Variants in DSCAML1 observed in about 807,000 individuals in gnomAD.
The protein encoded by DSCAML1 is DS cell adhesion molecule like 1, also known as cell adhesion molecule DSCAML1.
Under a neutral mutation model 200.5 loss-of-function variants are expected in DSCAML1, and 38 were observed. That is an observed-to-expected ratio of 0.19 (90% CI 0.15 to 0.25). The LOEUF (loss-of-function observed/expected upper bound fraction) is 0.25, where lower values mean the gene tolerates loss of function less well. DSCAML1 is among the 10% of genes least tolerant of loss of function. The probability of loss-of-function intolerance (pLI) is 1.00; values close to 1 mark genes in which losing one functional copy is unlikely to be tolerated. For synonymous variants in DSCAML1, 1,215 were observed against 1,165.0 expected, an observed-to-expected ratio of 1.04 and a Z score of -0.87; for missense variants, 2,223 against 2,858.8, an observed-to-expected ratio of 0.78 and a Z score of 5.07.
intron 3 of DSCAML1, among the ~76,000 whole-genome samples, chr11:117,746,559 C>T (rs1374986191): frequency 6.6e-6 from 1 of 152,168 alleles, no homozygotes; most frequent in South Asian, 2.1e-4. Context: ...CCAAGCCTCC[C>T]TCCGCGCTGC....
intron 7 of DSCAML1, among the ~76,000 whole-genome samples, chr11:117,517,098 G>T (rs1363972599): frequency 6.6e-5 from 10 of 152,126 alleles, no homozygotes; most frequent in Admixed American, 6.5e-4. Context: ...CCTCATTTAT[G>T]GGGAGATTAA....
intron 3 of DSCAML1, among the ~76,000 whole-genome samples, chr11:117,762,141 T>C (rs1260044752): frequency 1.3e-5 from 2 of 152,166 alleles, no homozygotes; most frequent in African/African-American, 4.8e-5. Flanking sequence ...CATCTGAACA[T>C]AGTGATGACA....
At chr11:117,783,326 A>T (rs1044862051) in intron 1 of DSCAML1, among the ~76,000 whole-genome samples, 1 of 152,206 alleles carries the variant, frequency 6.6e-6, no homozygotes, top group African/African-American at 2.4e-5. Context: ...TTGTGCCTGT[A>T]AATGGACTTA....
intron 3 of DSCAML1, among the ~76,000 whole-genome samples, chr11:117,564,237 C>G (rs2050714473): frequency 6.6e-6 from 1 of 152,230 alleles, no homozygotes; most frequent in African/African-American, 2.4e-5. Flanking sequence ...CAACTTAAAC[C>G]TCTGCTGGTC....
At chr11:117,539,149 C>G (rs970685660) in intron 3 of DSCAML1, among the ~76,000 whole-genome samples, 1 of 152,200 alleles carries the variant, frequency 6.6e-6, no homozygotes, top group Non-Finnish European at 1.5e-5. Context: ...CCATTTCACT[C>G]ACGAGGAAAC....
At chr11:117,696,704 G>A (rs943935289) in intron 3 of DSCAML1, among the ~76,000 whole-genome samples, 6 of 152,124 alleles carry the variant, frequency 3.9e-5, no homozygotes, top group African/African-American at 1.4e-4. Flanking sequence ...TGATACAGTG[G>A]AGAGTTTCCC....
At chr11:117,679,170 C>T (rs915842454) in intron 3 of DSCAML1, among the ~76,000 whole-genome samples, 16 of 152,202 alleles carry the variant, frequency 1.1e-4, no homozygotes, top group African/African-American at 3.6e-4. Context: ...GTGTTAGGCA[C>T]GGAGCAGAGG....
intron 3 of DSCAML1, among the ~76,000 whole-genome samples, chr11:117,675,234 A>AAC (rs1000535856): frequency 3.9e-5 from 6 of 152,036 alleles, no homozygotes; most frequent in African/African-American, 9.7e-5. Context: ...TGTTGTTTTA[A>AAC]ACACACACAC....
intron 6 of DSCAML1, among the ~76,000 whole-genome samples, chr11:117,520,165 C>T (rs1194465241): frequency 6.6e-6 from 1 of 152,210 alleles, no homozygotes; most frequent in African/African-American, 2.4e-5. Context: ...TCTGTGTGGG[C>T]ACAGCCCAGT....
At chr11:117,450,224 C>G (rs541187835) in intron 20 of DSCAML1, among the ~76,000 whole-genome samples, 1 of 152,350 alleles carries the variant, frequency 6.6e-6, no homozygotes, top group African/African-American at 2.4e-5. Context: ...GCCTGGGGAC[C>G]TGCTGGGAGC....
At chr11:117,752,023 T>G (rs984070038) in intron 3 of DSCAML1, among the ~76,000 whole-genome samples, 9 of 148,930 alleles carry the variant, frequency 6.0e-5, no homozygotes, top group Non-Finnish European at 1.2e-4. Flanking sequence ...CACCACCAAT[T>G]CACAAACCTC....
chr11:117,535,987 A>C (rs996545974), intron 3 of DSCAML1, among the ~76,000 whole-genome samples: 8 of 151,866 alleles, frequency 5.3e-5, no homozygotes, highest in Non-Finnish European at 1.2e-4. Flanking sequence ...CTGATGTTTC[A>C]CATCCTTCAT....
At chr11:117,732,539 C>T (rs1296865192) in intron 3 of DSCAML1, among the ~76,000 whole-genome samples, 2 of 152,168 alleles carry the variant, frequency 1.3e-5, no homozygotes, top group Non-Finnish European at 2.9e-5. Context: ...TGGATGAAGG[C>T]TGGAATTGTA....
intron 3 of DSCAML1, among the ~76,000 whole-genome samples, chr11:117,602,566 G>T (rs2051485091): frequency 6.6e-6 from 1 of 152,050 alleles, no homozygotes; most frequent in South Asian, 2.1e-4. Flanking sequence ...TCACCATGTT[G>T]CCCAGGCTGG....
Position 117,480,537 on chromosome 11 carries a change from C to T in DSCAML1, c.2691G>A (p.Glu897=). 1.3e-6 allele frequency: 2 copies of T among 1,579,878 alleles called. No homozygotes were observed. Among genetic ancestry groups the T allele is most frequent in the Non-Finnish European group, 8.6e-7 (1 of 1,162,170 alleles). The change falls in exon 14 of 33, where the codon GAG becomes GAA. Residue 897 remains glutamate (E), a synonymous_variant. Transcript: ENST00000651296. The surrounding 1 kb of genome is among the most constrained non-coding windows in gnomAD (Gnocchi z 4.1). ...PPDPPELEIR[E]VKARSMNLRW... ...GCAGGTTCATGCTCCGGGCCTTCAC[C>T]TCCCGGATCTCCAGCTCTGGGGGGT...
chr11:117,588,010 G>A (rs1314822653), intron 3 of DSCAML1, among the ~76,000 whole-genome samples: 1 of 152,182 alleles, frequency 6.6e-6, no homozygotes, highest in Non-Finnish European at 1.5e-5. Context: ...ATGGTACATG[G>A]TGTTTCTTTG....
intron 1 of DSCAML1, among the ~76,000 whole-genome samples, chr11:117,783,515 C>A (rs561776050): frequency 6.6e-6 from 1 of 152,168 alleles, no homozygotes; most frequent in Non-Finnish European, 1.5e-5. Flanking sequence ...ACAGGCCAGG[C>A]TCTGTGCCAG....
chr11:117,706,892 T>C (rs1297702333), intron 3 of DSCAML1, among the ~76,000 whole-genome samples: 1 of 152,190 alleles, frequency 6.6e-6, no homozygotes, highest in Non-Finnish European at 1.5e-5. Context: ...TTTAGACCTT[T>C]GTCTACTCCT....
At chr11:117,616,015 C>T (rs7942967) in intron 3 of DSCAML1, among the ~76,000 whole-genome samples, 53,058 of 152,024 alleles carry the variant, frequency 0.35, 10,033 homozygotes, top group African/African-American at 0.49. Context: ...AGCCCTGAGA[C>T]TGTCCCACTG....
Sources: allele counts gnomAD v4.1 joint callset (sites outside exome capture counted in the v4.1 genomes callset), GRCh38; gene constraint gnomAD v4.1.1; non-coding constraint Gnocchi (gnomAD v3.1); transcripts MANE v1.5; gene names NCBI Gene and HGNC (gene_info 2026-07-23, HGNC 2026-07-21).